Variants in MTCH2 observed in about 807,000 individuals in gnomAD.
The protein encoded by MTCH2 is mitochondrial carrier homolog 2.
A neutral mutation model predicts 50.6 loss-of-function variants in MTCH2; 25 were observed. The observed-to-expected ratio is 0.49, with a 90% CI of 0.36 to 0.69. The LOEUF is 0.69. MTCH2 is among the 30% of genes least tolerant of loss of function. The pLI, the probability that MTCH2 is intolerant of heterozygous loss-of-function variation, is 0.00. For missense variants in MTCH2, 273 were observed against 384.4 expected, an observed-to-expected ratio of 0.71 and a Z score of 2.42; for synonymous variants, 106 against 132.0, an observed-to-expected ratio of 0.80 and a Z score of 1.35.
At chr11:47,619,580 A>G (rs2097291313) in intron 12 of MTCH2, among the ~76,000 whole-genome samples, 1 of 152,166 alleles carries the variant, frequency 6.6e-6, no homozygotes, top group Non-Finnish European at 1.5e-5. Context: ...AGGACTACTT[A>G]TAAAATCTTA....
the MTCH2 span, among the ~76,000 whole-genome samples, chr11:47,608,310 A>T: frequency 2.0e-5 from 3 of 152,202 alleles, no homozygotes; most frequent in Non-Finnish European, 4.4e-5. Context: ...TCCATGTCAC[A>T]TCTCTTAGCT....
At position 47,639,026 on chromosome 11, in the gene MTCH2, G is replaced by A; in HGVS notation, c.113C>T (p.Thr38Ile). 1 of 1,613,466 alleles carries A rather than the reference G, an allele frequency of 6.2e-7. No individual in the cohort carries two copies. Among genetic ancestry groups the A allele is most frequent in the South Asian group, 1.1e-5 (1 of 90,954 alleles). The stretch of plus-strand genomic sequence containing the variant: ...CCGCCCAAAAATATTTCGTCCTATT[G>A]TTGGAGGAAGAGGCTCATATCCCAC... ...IQVGYEPLPP[T>I]IGRNIFGRQV... Residue 38 changes from threonine to isoleucine, a missense_variant, in exon 2 of 13, where the codon ACA becomes ATA. Thr to Ile is a moderately conservative substitution (Grantham distance 89). Coordinates refer to ENST00000302503, the MANE Select transcript of MTCH2 (RefSeq NM_014342.4).
At chr11:47,630,098 A>T (rs1430963525) in intron 8 of MTCH2, among the ~76,000 whole-genome samples, 1 of 152,076 alleles carries the variant, frequency 6.6e-6, no homozygotes, top group Non-Finnish European at 1.5e-5. Flanking sequence ...GTGCAATCTC[A>T]GCTCACTGCA....
At chr11:47,627,965 C>T (rs532602559) in intron 9 of MTCH2, among the ~76,000 whole-genome samples, 1 of 152,236 alleles carries the variant, frequency 6.6e-6, no homozygotes, top group Admixed American at 6.6e-5. Context: ...ATAACCTTTT[C>T]ACACATCCTA....
chr11:47,631,856 G>T, intron 5 of MTCH2, 145 bp from the exon 6 acceptor site: 1 of 708,478 alleles, frequency 1.4e-6, no homozygotes, highest in East Asian at 2.7e-5. Flanking sequence ...AGAAGAGTTT[G>T]AATGGGATGT....
At chr11:47,615,034 T>C (rs2097287535), downstream of MTCH2, among the ~76,000 whole-genome samples, 1 of 13,796 alleles carries the variant, frequency 7.2e-5, no homozygotes, top group South Asian at 2.9e-3. Flanking sequence ...AGTGAGGCTT[T>C]TTTTTTTTTT....
At chr11:47,612,543 A>C (rs1327867198), downstream of MTCH2, among the ~76,000 whole-genome samples, 2 of 152,012 alleles carry the variant, frequency 1.3e-5, no homozygotes, top group African/African-American at 2.4e-5. Context: ...CAGCCTGGGC[A>C]ACAGGGCAAG....
At chr11:47,641,230 C>A (rs1047975325) in intron 1 of MTCH2, among the ~76,000 whole-genome samples, 11 of 152,236 alleles carry the variant, frequency 7.2e-5, no homozygotes, top group African/African-American at 2.6e-4. Context: ...CTGTCACCTC[C>A]GATGCTATCT....
chr11:47,604,969 C>T, the MTCH2 span, among the ~76,000 whole-genome samples: 1 of 151,708 alleles, frequency 6.6e-6, no homozygotes, highest in Non-Finnish European at 1.5e-5. Context: ...CTTGCTCTAT[C>T]TCCCAGGCTG....
chr11:47,630,355 TA>T, intron 8 of MTCH2, among the ~76,000 whole-genome samples, 199 bp downstream of exon 8: 1 of 152,046 alleles, frequency 6.6e-6, no homozygotes, highest in Non-Finnish European at 1.5e-5. Context: ...CTTTACAAGA[TA>T]ATTCTAGTCA....
intron 5 of MTCH2, 69 bp downstream of exon 5, chr11:47,634,603 T>C: frequency 1.6e-6 from 2 of 1,232,026 alleles, no homozygotes; most frequent in African/African-American, 1.5e-5. Context: ...GCCTGATGAT[T>C]CTGATTCCAT....
chr11:47,617,436 C>T lies in MTCH2; in HGVS notation c.*1397G>A, dbSNP rs1008219191. 2 of 152,226 alleles carry T rather than the reference C, an allele frequency of 1.3e-5. No homozygotes were observed. The highest frequency in any genetic ancestry group is 4.8e-5 in the African/African-American group (2 of 41,438). The allele number at this position is 152,226 out of a possible 1,614,324, so 9.4% of individuals were successfully genotyped here. On this transcript the variant is annotated 3_prime_UTR_variant, in exon 13 of 13. Coordinates refer to ENST00000302503, the MANE Select transcript of MTCH2 (RefSeq NM_014342.4). The stretch of plus-strand genomic sequence containing the variant: ...GAAATAGTATATAAAATTGACATTA[C>T]TTTTTGAGACAAAGGAAGAGACATC...
chr11:47,631,125 A>G, intron 6 of MTCH2, 38 bp from the exon 7 acceptor site: 1 of 1,574,758 alleles, frequency 6.4e-7, no homozygotes, highest in Non-Finnish European at 8.7e-7. Flanking sequence ...CAACTATGTT[A>G]AGGCCAGGTG....
At position 47,617,613 on chromosome 11, in the gene MTCH2, ATGTCCCAG is replaced by A. The variant is rs766441219; in HGVS notation, c.*1212_*1219del. The stretch of plus-strand genomic sequence containing the variant: ...GAATTAAGTGCTTACTCATTTGGCA[ATGTCCCAG>A]TGAGTTATATAAATAAGTGAAACCA... On this transcript the variant is annotated 3_prime_UTR_variant, in exon 13 of 13. Coordinates refer to ENST00000302503, the MANE Select transcript of MTCH2 (RefSeq NM_014342.4). The A allele has an allele frequency of 6.6e-6, 1 of 152,620 alleles. No homozygotes were observed. The highest frequency in any genetic ancestry group is 1.5e-5 in the Non-Finnish European group (1 of 68,034). 9.5% of individuals were successfully genotyped at this position (152,620 alleles called of 1,614,324 possible). A position where few individuals can be genotyped will look rare whatever the true frequency, so the allele number is the denominator to read the frequency against.
At chr11:47,629,188 G>A in intron 8 of MTCH2, 142 bp from the exon 9 acceptor site, 1 of 664,338 alleles carries the variant, frequency 1.5e-6, no homozygotes, top group Non-Finnish European at 2.6e-6. Flanking sequence ...CCAGAATCCA[G>A]CCCGCATACC....
chr11:47,623,161 A>C (rs1329072207), intron 11 of MTCH2, among the ~76,000 whole-genome samples: 1 of 152,126 alleles, frequency 6.6e-6, no homozygotes, highest in African/African-American at 2.4e-5. Flanking sequence ...ATTTGAGGTC[A>C]GGAGTTCAAG....
chr11:47,627,462 C>G (rs1307081837), intron 9 of MTCH2, among the ~76,000 whole-genome samples: 1 of 151,324 alleles, frequency 6.6e-6, no homozygotes, highest in Admixed American at 6.6e-5. Context: ...AGCTAAGAGA[C>G]GGTGTCTTGC....
the MTCH2 span, among the ~76,000 whole-genome samples, chr11:47,607,925 CCT>C: frequency 6.6e-6 from 1 of 152,198 alleles, no homozygotes; most frequent in Non-Finnish European, 1.5e-5. Flanking sequence ...CGAGTTCCCT[CCT>C]CTCATTAAGA....
At chr11:47,632,912 A>G (rs1464705325) in intron 5 of MTCH2, among the ~76,000 whole-genome samples, 2 of 144,852 alleles carry the variant, frequency 1.4e-5, no homozygotes, top group Non-Finnish European at 3.0e-5. Flanking sequence ...ATGTTGGCCA[A>G]GCTGGTTTTG....
Sources: gnomAD v4.1 joint callset for allele counts (sites outside exome capture counted in the v4.1 genomes callset) on GRCh38, gnomAD v4.1.1 for gene constraint, MANE v1.5 for transcripts, NCBI Gene and HGNC (gene_info 2026-07-23, HGNC 2026-07-21) for gene names.